TRIP11: variants seen among roughly 807,000 people sequenced by gnomAD.
The protein encoded by TRIP11 is thyroid hormone receptor interactor 11.
In TRIP11, 148 loss-of-function variants were observed where a neutral mutation model predicts 223.1. The ratio of observed to expected loss-of-function variants is 0.66; its 90% CI spans 0.58 to 0.76. TRIP11 has a LOEUF of 0.76. Among genes scored for constraint, TRIP11 ranks in the 30% least tolerant of loss-of-function variants. TRIP11 has a pLI of 0.00. For missense variants in TRIP11, 2,043 were observed against 2,222.0 expected (o/e 0.92, Z 1.62); for synonymous variants, 762 against 772.6 (o/e 0.99, Z 0.23).
At chr14:92,012,881 G>A (rs2056989385) in intron 7 of TRIP11, among the ~76,000 whole-genome samples, 1 of 152,174 alleles carries the variant, frequency 6.6e-6, no homozygotes, top group South Asian at 2.1e-4. Flanking sequence ...ACTAAATGCA[G>A]GGGAGTAACC....
At chr14:92,007,539 A>C (rs1157170994) in intron 10 of TRIP11, 101 bp downstream of exon 10, 2 of 1,325,902 alleles carry the variant, frequency 1.5e-6, no homozygotes, top group Non-Finnish European at 2.1e-6. Context: ...AAGGTTTGTC[A>C]ATCTCTATGA....
chr14:92,039,413 G>C, intron 1 of TRIP11, 134 bp downstream of exon 1: 1 of 885,848 alleles, frequency 1.1e-6, no homozygotes, highest in Admixed American at 2.4e-5. Flanking sequence ...GGCAAGAGGA[G>C]GTGTGTGAAG....
Position 92,021,778 on chromosome 14 carries a change from C to G in TRIP11, c.366G>C (p.Leu122=). Residue 122 remains leucine (L), a synonymous_variant, in exon 4 of 21, where the codon CTG becomes CTC. Coordinates refer to ENST00000267622, the MANE Select transcript of TRIP11 (RefSeq NM_004239.4). The part of the protein sequence containing the change: ...ARQIALQDQL[L]KLQSAAQSVP... ...CTGACTGAGCAGCTGACTGCAGTTTCAGCAACTGATCCTGGAGTGCAATCT... is the reference window on the plus strand; with the variant it reads ...CTGACTGAGCAGCTGACTGCAGTTTGAGCAACTGATCCTGGAGTGCAATCT... 6.2e-7 allele frequency: 1 copy of G among 1,614,184 alleles called. No homozygotes were observed. The highest frequency in any genetic ancestry group is 8.5e-7 in the Non-Finnish European group (1 of 1,180,034).
chr14:92,020,043 T>G (rs1000449318), intron 4 of TRIP11, among the ~76,000 whole-genome samples: 13 of 151,438 alleles, frequency 8.6e-5, no homozygotes, highest in African/African-American at 3.2e-4. Context: ...AGGTCAAGAG[T>G]TTGAGACCAG....
chr14:92,013,522 A>T (rs1185541406), intron 7 of TRIP11, among the ~76,000 whole-genome samples: 1 of 152,196 alleles, frequency 6.6e-6, no homozygotes, highest in Non-Finnish European at 1.5e-5. Context: ...CTCCATTCAG[A>T]GAGCTGCCAT....
Position 91,976,293 on chromosome 14 carries a change from T to C in TRIP11, c.5261-104A>G, listed in dbSNP as rs1027588176. 2.5e-5 allele frequency: 23 copies of C among 927,382 alleles called. No individual in the cohort carries two copies. The African/African-American group carries it at 3.1e-4, about 13-fold the overall frequency. The allele number at this position is 927,382 out of a possible 1,614,324, so 57.4% of individuals were successfully genotyped here. A position where few individuals can be genotyped will look rare whatever the true frequency, so the allele number is the denominator to read the frequency against. On this transcript the variant is annotated intron_variant, in intron 16 of 20. Transcript: ENST00000267622. ...ATCTTTATTATAACCTCTGAATATA[T>C]ACACTTATTCTAATTGGGAATATTC... is the stretch of plus-strand genomic sequence containing the variant.
chr14:92,024,132 C>G (rs2057148326), intron 3 of TRIP11, among the ~76,000 whole-genome samples: 1 of 152,088 alleles, frequency 6.6e-6, no homozygotes, highest in Non-Finnish European at 1.5e-5. Flanking sequence ...AATCCCAACA[C>G]TTTGGGAGGC....
intron 7 of TRIP11, among the ~76,000 whole-genome samples, chr14:92,012,421 G>A (rs1595394462): frequency 1.3e-5 from 2 of 152,162 alleles, no homozygotes; most frequent in South Asian, 2.1e-4. Context: ...CCTTGCTCTC[G>A]AAGAGCTTAC....
intron 13 of TRIP11, among the ~76,000 whole-genome samples, chr14:91,998,807 C>T (rs1205895078): frequency 6.6e-6 from 1 of 152,098 alleles, no homozygotes; most frequent in East Asian, 1.9e-4. Context: ...TCATACTGAC[C>T]TTGGTCTCTA....
chr14:92,018,294 T>C (rs1438133552), intron 4 of TRIP11, among the ~76,000 whole-genome samples: 3 of 152,002 alleles, frequency 2.0e-5, no homozygotes. Context: ...TCTCACTATG[T>C]TGCCCAGGCT....
chr14:92,018,789 C>A (rs1041982807), intron 4 of TRIP11, among the ~76,000 whole-genome samples: 21 of 151,560 alleles, frequency 1.4e-4, no homozygotes, highest in African/African-American at 5.1e-4. Context: ...AACCCCGTCA[C>A]TATTAAAAAT....
intron 13 of TRIP11, among the ~76,000 whole-genome samples, chr14:91,998,182 A>C (rs1374073943): frequency 1.3e-5 from 2 of 152,218 alleles, no homozygotes; most frequent in African/African-American, 4.8e-5. Context: ...TAAAAAGATA[A>C]ATACAAAGAT....
chr14:92,015,105 T>C (rs1014091808), intron 6 of TRIP11, among the ~76,000 whole-genome samples: 3 of 151,978 alleles, frequency 2.0e-5, no homozygotes, highest in Non-Finnish European at 4.4e-5. Flanking sequence ...GATTTCGCCA[T>C]GTTGGCCAGG....
chr14:92,013,253 C>T (rs993537851), intron 7 of TRIP11, among the ~76,000 whole-genome samples: 1 of 151,908 alleles, frequency 6.6e-6, no homozygotes, highest in South Asian at 2.1e-4. Flanking sequence ...AGCTACAGAG[C>T]GAGACTCTGT....
chr14:91,971,446 C>T lies in TRIP11; in HGVS notation c.5719+1271G>A, dbSNP rs1457422546. The stretch of plus-strand genomic sequence containing the variant: ...AAGCCTATATCAACCCAAGCCATCA[C>T]CAGCTTTTGTATCCTATCAATACAA... On this transcript the variant is annotated intron_variant, in intron 20 of 20. Transcript: ENST00000267622. Among the ~76,000 whole-genome samples, 12 of 152,202 alleles carry T rather than the reference C, an allele frequency of 7.9e-5. No individual in the cohort carries two copies. In the East Asian group the frequency reaches 2.1e-3, roughly 27 times the overall value.
chr14:92,004,358 C>G lies in TRIP11; in HGVS notation c.3618G>C (p.Glu1206Asp). ...TTAACTTGTCACGTTCCTGTAGAAG[C>G]TCCTCAAATTGATTACTATTAACAC... is the stretch of plus-strand genomic sequence containing the variant. ...AGGVNSNQFEELLQERDKLKQ... is the reference protein window; with the variant it reads ...AGGVNSNQFEDLLQERDKLKQ... Residue 1206 changes from glutamate to aspartate, a missense_variant, in exon 11 of 21, where the codon GAG becomes GAC. Coordinates refer to ENST00000267622, the MANE Select transcript of TRIP11 (RefSeq NM_004239.4). 1 of 1,614,116 alleles carries G rather than the reference C, an allele frequency of 6.2e-7. No individual in the cohort carries two copies. Among genetic ancestry groups the G allele is most frequent in the Non-Finnish European group, 8.5e-7 (1 of 1,180,026 alleles).
At chr14:92,038,433 A>G (rs2057346790) in intron 1 of TRIP11, among the ~76,000 whole-genome samples, 1 of 152,158 alleles carries the variant, frequency 6.6e-6, no homozygotes, top group Non-Finnish European at 1.5e-5. Context: ...TTCTATCCCC[A>G]AAGCTGTCTC....
chr14:91,968,379 T>C lies in TRIP11; in HGVS notation c.*1294A>G, dbSNP rs143185383. ...TATGAAAAATTAAAGAAATACTTTCTTAAGTTTCAAACATCTGGGTACTGG... is the reference window on the plus strand; with the variant it reads ...TATGAAAAATTAAAGAAATACTTTCCTAAGTTTCAAACATCTGGGTACTGG... On this transcript the variant is annotated 3_prime_UTR_variant, in exon 21 of 21. Transcript: ENST00000267622. 1.4e-3 allele frequency: 298 copies of C among 205,842 alleles called. 2 individuals carry two copies. Among genetic ancestry groups the C allele is most frequent in the Admixed American group, 3.3e-3 (56 of 16,776 alleles). 12.8% of individuals were successfully genotyped at this position (205,842 alleles called of 1,614,324 possible).
chr14:92,019,142 G>A (rs1254008436), intron 4 of TRIP11, among the ~76,000 whole-genome samples: 5 of 151,618 alleles, frequency 3.3e-5, no homozygotes, highest in African/African-American at 1.2e-4. Context: ...TCCTCTGAAC[G>A]GTCCCAATTA....
Sources: allele counts gnomAD v4.1 joint callset (sites outside exome capture counted in the v4.1 genomes callset), GRCh38; gene constraint gnomAD v4.1.1; transcripts MANE v1.5; gene names NCBI Gene and HGNC (gene_info 2026-07-23, HGNC 2026-07-21).